The following LTBP2 variants were observed in gnomAD, a reference collection of about 807,000 sequenced individuals.
LTBP2 encodes the protein latent-transforming growth factor beta-binding protein 2.
Under a neutral mutation model 210.6 loss-of-function variants are expected in LTBP2, and 103 were observed. The ratio of observed to expected loss-of-function variants is 0.49; its 90% CI spans 0.42 to 0.58. The LOEUF (loss-of-function observed/expected upper bound fraction) is 0.58. LTBP2 is among the 20% of genes least tolerant of loss of function. The pLI is 0.00. For missense variants in LTBP2, 2,313 were observed against 2,494.5 expected (o/e 0.93, Z 1.55); for synonymous variants, 1,007 against 1,015.0 (o/e 0.99, Z 0.15).
chr14:74,549,860 CA>C lies in LTBP2; in HGVS notation c.1789+2del. The C allele has an allele frequency of 6.2e-7, 1 of 1,612,948 alleles. No homozygotes were observed. The highest frequency in any genetic ancestry group is 8.5e-7 in the Non-Finnish European group (1 of 1,178,940). On this transcript the variant is annotated splice_donor_variant, in intron 8 of 35. Transcript: ENST00000261978. LOFTEE classifies it high-confidence loss of function. ...ACACGTGACCTTGGACTCCAGCACT[CA>C]CCTGGTCTGGGTGGGCATGGGGCAC...
At chr14:74,528,384 G>T in intron 12 of LTBP2, 99 bp downstream of exon 12, 1 of 1,345,962 alleles carries the variant, frequency 7.4e-7, no homozygotes, top group Non-Finnish European at 1.1e-6. Context: ...CACAGAGATG[G>T]GATGCCCAGG....
At chr14:74,582,472 T>C (rs1475003785) in intron 3 of LTBP2, among the ~76,000 whole-genome samples, 12 of 150,626 alleles carry the variant, frequency 8.0e-5, no homozygotes, top group African/African-American at 2.9e-4. Context: ...CCTCCTCCCA[T>C]CCACCCAAGT....
At chr14:74,572,775 G>A (rs974256930) in intron 3 of LTBP2, among the ~76,000 whole-genome samples, 3 of 151,870 alleles carry the variant, frequency 2.0e-5, no homozygotes, top group Non-Finnish European at 2.9e-5. Flanking sequence ...ACATACCCCC[G>A]CAGAGGGAGA....
At chr14:74,516,551 C>T (rs1001437474) in intron 18 of LTBP2, among the ~76,000 whole-genome samples, 58 of 152,256 alleles carry the variant, frequency 3.8e-4, no homozygotes, top group East Asian at 5.8e-4. Context: ...GGCAACAGGG[C>T]GGAGGTTACA....
Position 74,528,638 on chromosome 14 carries a change from C to T in LTBP2, c.2213G>A (p.Arg738His), listed in dbSNP as rs758392845. Residue 738 changes from arginine (R) to histidine (H), a missense_variant, in exon 12 of 36, where the codon CGC becomes CAC. This residue lies in a region of LTBP2 where 1,867 missense variants were observed against 1,976.9 expected (regional missense o/e 0.94). Transcript: ENST00000261978. ...CTCCTCGGCTTTCCTCATGGACAGGCGGATGTCGGAGCTCGCGTAGGTGTA... is the reference window on the plus strand; with the variant it reads ...CTCCTCGGCTTTCCTCATGGACAGGTGGATGTCGGAGCTCGCGTAGGTGTA... ...HGYTYASSDI[R>H]LSMRKAEEEE... The T allele has an allele frequency of 9.9e-6, 16 of 1,613,350 alleles. No homozygotes were observed. The highest frequency in any genetic ancestry group is 8.9e-5 in the East Asian group (4 of 44,894).
At chr14:74,550,071 C>A in intron 7 of LTBP2, 106 bp from the exon 8 acceptor site, 1 of 767,658 alleles carries the variant, frequency 1.3e-6, no homozygotes, top group South Asian at 1.4e-5. Flanking sequence ...TCCCCACATT[C>A]TGCCAGAGGA....
intron 3 of LTBP2, among the ~76,000 whole-genome samples, chr14:74,570,018 G>T (rs985092077): frequency 1.3e-5 from 2 of 152,174 alleles, no homozygotes; most frequent in African/African-American, 2.4e-5. Context: ...AACCAGAAGT[G>T]GCTGGAGAGC....
Position 74,585,944 on chromosome 14 carries a change from C to T in LTBP2, c.740G>A (p.Arg247His), listed in dbSNP as rs770132775. ...GCCCTCTCCAGCCGCACTGCTCCTG[C>T]GCAGGTTGGGTGAACGCTCGGCCCA... ...RRWAERSPNL[R>H]RSSAAGEGTL... Residue 247 changes from arginine (R) to histidine (H), a missense_variant, in exon 3 of 36, where the codon CGC becomes CAC. Coordinates refer to ENST00000261978, the MANE Select transcript of LTBP2 (RefSeq NM_000428.3). 3.5e-5 allele frequency: 57 copies of T among 1,613,730 alleles called. No homozygotes were observed. The highest frequency in any genetic ancestry group is 4.5e-5 in the Non-Finnish European group (53 of 1,179,892).
intron 15 of LTBP2, among the ~76,000 whole-genome samples, chr14:74,524,496 G>A (rs1230137281): frequency 6.6e-6 from 1 of 152,098 alleles, no homozygotes; most frequent in East Asian, 1.9e-4. Flanking sequence ...CGTGTACAGG[G>A]AGCAGCGGCA....
Position 74,500,992 on chromosome 14 carries a change from C to A in LTBP2, c.5358G>T (p.Val1786=), listed in dbSNP as rs778579889. The A allele has an allele frequency of 6.2e-7, 1 of 1,614,060 alleles. No individual in the cohort carries two copies. The highest frequency in any genetic ancestry group is 2.2e-5 in the East Asian group (1 of 44,868). The change falls in exon 36 of 36, where the codon GTG becomes GTT. Residue 1786 remains valine (V), a synonymous_variant. Coordinates refer to ENST00000261978, the MANE Select transcript of LTBP2 (RefSeq NM_000428.3). ...TCTCGCAGTAACCATGGACACAGAG[C>A]ACAGCAGGCCCGTTCAAGTCATCAC... is the stretch of plus-strand genomic sequence containing the variant. ...NECDDLNGPA[V]LCVHGYCENT...
At chr14:74,554,341 A>T (rs778379404) in intron 4 of LTBP2, among the ~76,000 whole-genome samples, 4 of 152,070 alleles carry the variant, frequency 2.6e-5, no homozygotes, top group Non-Finnish European at 5.9e-5. Flanking sequence ...TCTACAAAAC[A>T]TTTAAAAATT....
At chr14:74,556,281 A>AC in intron 3 of LTBP2, among the ~76,000 whole-genome samples, 1 of 152,326 alleles carries the variant, frequency 6.6e-6, no homozygotes, top group East Asian at 1.9e-4. Flanking sequence ...CTAACACAGC[A>AC]ACTACTTTTG....
chr14:74,607,749 A>G (rs560623094), intron 1 of LTBP2, among the ~76,000 whole-genome samples: 3 of 152,342 alleles, frequency 2.0e-5, no homozygotes, highest in Non-Finnish European at 4.4e-5. Flanking sequence ...TTTTGTGGAT[A>G]CATGTATCTA....
At position 74,499,291 on chromosome 14, in the gene LTBP2, A is replaced by G. The variant is rs956549151; in HGVS notation, c.*1593T>C. 1 of 219,776 alleles carries G rather than the reference A, an allele frequency of 4.6e-6. No individual in the cohort carries two copies. Among genetic ancestry groups the G allele is most frequent in the African/African-American group, 2.2e-5 (1 of 44,564 alleles). 13.6% of individuals were successfully genotyped at this position (219,776 alleles called of 1,614,324 possible). A position where few individuals can be genotyped will look rare whatever the true frequency, so the allele number is the denominator to read the frequency against. On this transcript the variant is annotated 3_prime_UTR_variant, in exon 36 of 36. Transcript: ENST00000261978. ...ATTTTTGTCTGCTGAAAACATCTCA[A>G]TTAGTATAGGGACCTAGAGCAAATT...
At chr14:74,588,687 G>A (rs961998314) in intron 2 of LTBP2, among the ~76,000 whole-genome samples, 3 of 152,136 alleles carry the variant, frequency 2.0e-5, no homozygotes, top group Admixed American at 6.5e-5. Flanking sequence ...ACTGTCTGAT[G>A]AGTGTGACAA....
At chr14:74,565,986 T>G (rs1173622606) in intron 3 of LTBP2, among the ~76,000 whole-genome samples, 2 of 152,126 alleles carry the variant, frequency 1.3e-5, no homozygotes, top group African/African-American at 4.8e-5. Flanking sequence ...AAATTAATAT[T>G]AACGGAAAAA....
chr14:74,510,270 G>A (rs371914425), intron 19 of LTBP2, 57 bp from the exon 20 acceptor site: 30 of 1,605,544 alleles, frequency 1.9e-5, no homozygotes, highest in East Asian at 8.9e-5. Context: ...TGCAGCCCCC[G>A]CTGGCAGGCT....
At chr14:74,534,363 C>T (rs532650936) in intron 9 of LTBP2, among the ~76,000 whole-genome samples, 8 of 152,300 alleles carry the variant, frequency 5.3e-5, no homozygotes, top group Admixed American at 1.3e-4. Context: ...ACACAGGCCA[C>T]GTACACAGTA....
In LTBP2 at chr14:74,517,295, C is replaced by G. The variant is rs575976658; in HGVS notation, c.2789-354G>C. Among the ~76,000 whole-genome samples the G allele has an allele frequency of 5.9e-5, 9 of 152,298 alleles. No individual in the cohort carries two copies. In the East Asian group the frequency reaches 1.7e-3, roughly 29 times the overall value. ...GCAGAGGCCAAAAGGACTCCCACCC[C>G]GCTCCTGGCCCCACTATATCCCCTT... On this transcript the variant is annotated intron_variant, in intron 17 of 35. Transcript: ENST00000261978.
Sources: gnomAD v4.1 joint callset for allele counts (sites outside exome capture counted in the v4.1 genomes callset) on GRCh38, gnomAD v4.1.1 for gene constraint, gnomAD v4.1.1 regional missense constraint, MANE v1.5 for transcripts, NCBI Gene and HGNC (gene_info 2026-07-23, HGNC 2026-07-21) for gene names.